Variants in LAMC3 observed in about 807,000 individuals in gnomAD.
LAMC3 encodes the protein laminin subunit gamma-3.
Under a neutral mutation model 173.8 loss-of-function variants are expected in LAMC3, and 128 were observed. The ratio of observed to expected loss-of-function variants is 0.74; its 90% CI spans 0.64 to 0.85. LAMC3 has a LOEUF of 0.85. Ranked by LOEUF, LAMC3 falls within the 40% of genes least tolerant of loss-of-function variation. LAMC3 has a pLI of 0.00. For missense variants in LAMC3, 2,022 were observed against 2,156.0 expected (o/e 0.94, Z 1.23); for synonymous variants, 897 against 909.1 (o/e 0.99, Z 0.24).
chr9:131,062,762 G>A (rs1295368792), intron 13 of LAMC3, among the ~76,000 whole-genome samples: 2 of 151,904 alleles, frequency 1.3e-5, no homozygotes, highest in Non-Finnish European at 2.9e-5. Flanking sequence ...CCAGCTACTC[G>A]GGAGGCTGAG....
chr9:131,084,216 A>G (rs1341064874), intron 24 of LAMC3, among the ~76,000 whole-genome samples: 1 of 151,622 alleles, frequency 6.6e-6, no homozygotes, highest in Non-Finnish European at 1.5e-5. Flanking sequence ...AACTTCCTTT[A>G]GAATTTTTTT....
intron 8 of LAMC3, 132 bp downstream of exon 8, chr9:131,045,792 T>G: frequency 8.4e-7 from 1 of 1,189,308 alleles, no homozygotes; most frequent in Admixed American, 1.9e-5. Flanking sequence ...ACAGCCTAGG[T>G]GGGGTCGGGG....
intron 1 of LAMC3, among the ~76,000 whole-genome samples, chr9:131,017,780 C>T (rs1833551375): frequency 6.8e-6 from 1 of 146,160 alleles, no homozygotes; most frequent in South Asian, 2.2e-4. Flanking sequence ...AATCCCAGCA[C>T]TTTGGGAGGC....
At chr9:131,072,911 G>T (rs1830061859) in intron 19 of LAMC3, 76 bp downstream of exon 19, 1 of 1,373,886 alleles carries the variant, frequency 7.3e-7, no homozygotes, top group South Asian at 1.2e-5. Context: ...CCATTGACCT[G>T]GTGACCTTGG....
intron 1 of LAMC3, among the ~76,000 whole-genome samples, chr9:131,017,167 T>G (rs917761656): frequency 6.6e-6 from 1 of 152,148 alleles, no homozygotes; most frequent in Non-Finnish European, 1.5e-5. Flanking sequence ...TAAAGGATGC[T>G]GTGCGCGGGC....
intron 3 of LAMC3, 76 bp downstream of exon 3, chr9:131,032,251 T>TG: frequency 2.5e-5 from 3 of 121,464 alleles, no homozygotes; most frequent in South Asian, 9.1e-5. Context: ...TGCTGTGGGG[T>TG]GGGGGGTGGG....
intron 1 of LAMC3, among the ~76,000 whole-genome samples, chr9:131,020,190 C>G (rs1051419803): frequency 1.3e-5 from 2 of 152,172 alleles, no homozygotes; most frequent in South Asian, 2.1e-4. Flanking sequence ...CTGCCCACCT[C>G]GAGCATCAGA....
intron 20 of LAMC3, 38 bp from the exon 21 acceptor site, chr9:131,075,793 G>T: frequency 1.3e-6 from 2 of 1,591,148 alleles, no homozygotes; most frequent in Non-Finnish European, 1.7e-6. Context: ...CCTTCCCTGC[G>T]AGCCCTTGGT....
chr9:131,071,580 G>A lies in LAMC3; in HGVS notation c.3166G>A (p.Glu1056Lys), dbSNP rs759627258. Reference protein sequence around the residue: ...PWGPLDILLGEAPRGDVYQGH... With the variant: ...PWGPLDILLGKAPRGDVYQGH... ...GGGACCACTAGACATTCTGCTGGGA[G>A]AGGCCCCAAGGGGGGACGTCTACCA... The change falls in exon 18 of 28, where the codon GAG becomes AAG. Residue 1056 changes from glutamate to lysine, a missense_variant. Glu to Lys is a moderately conservative substitution (Grantham distance 56, BLOSUM62 1). Transcript: ENST00000361069. 1.2e-6 allele frequency: 2 copies of A among 1,609,808 alleles called. No individual in the cohort carries two copies. Among genetic ancestry groups the A allele is most frequent in the Non-Finnish European group, 1.7e-6 (2 of 1,177,272 alleles).
At position 131,082,061 on chromosome 9, in the gene LAMC3, G is replaced by A; in HGVS notation, c.3930G>A (p.Leu1310=). Residue 1310 remains leucine (L), a splice_region_variant and synonymous_variant, in exon 24 of 28, where the codon CTG becomes CTA. Coordinates refer to ENST00000361069, the MANE Select transcript of LAMC3 (RefSeq NM_006059.4). ...TLRQTEPLTK[L]HQEARAALTQ... Reference sequence around the variant, plus strand: ...AGCCTCTCCTCATCTCTCTCCAGCTGCACCAGGAGGCCAGAGCCGCCCTGA... The same window carrying A: ...AGCCTCTCCTCATCTCTCTCCAGCTACACCAGGAGGCCAGAGCCGCCCTGA... 1 of 1,613,148 alleles carries A rather than the reference G, an allele frequency of 6.2e-7. No individual in the cohort carries two copies. Among genetic ancestry groups the A allele is most frequent in the Non-Finnish European group, 8.5e-7 (1 of 1,179,414 alleles).
In LAMC3 at chr9:131,085,768, GGGGA is replaced by G. The variant is rs779356463; in HGVS notation, c.4230+46_4230+49del. 3.2e-5 allele frequency: 51 copies of G among 1,589,954 alleles called. No homozygotes were observed. The South Asian group carries it at 5.3e-4, about 17-fold the overall frequency. ...CAACAGTGGCCTCCTTCCCTCCCGG[GGGGA>G]CCGCCCTTCCGCGGGCCCCTTCCCG... On this transcript the variant is annotated intron_variant, in intron 25 of 27. Coordinates refer to ENST00000361069, the MANE Select transcript of LAMC3 (RefSeq NM_006059.4).
At chr9:131,051,802 GGGAAAGGAGGAGGGAGGGTA>G (rs1834291224) in intron 9 of LAMC3, among the ~76,000 whole-genome samples, 1 of 42,360 alleles carries the variant, frequency 2.4e-5, no homozygotes, top group South Asian at 7.0e-4. Flanking sequence ...AAAGACCACT[GGGAAAGGAGGAGGGAGGGTA>G]CTGGGAAAGG....
intron 2 of LAMC3, among the ~76,000 whole-genome samples, chr9:131,027,788 A>G (rs1564366248): frequency 6.6e-6 from 1 of 152,180 alleles, no homozygotes; most frequent in Non-Finnish European, 1.5e-5. Flanking sequence ...ATACGCGCGC[A>G]TGACAGCTCC....
intron 6 of LAMC3, among the ~76,000 whole-genome samples, chr9:131,040,334 C>T (rs1189708912): frequency 6.6e-6 from 1 of 152,108 alleles, no homozygotes; most frequent in Non-Finnish European, 1.5e-5. Context: ...TGCACCACCA[C>T]ACCCGGCTAA....
intron 21 of LAMC3, among the ~76,000 whole-genome samples, chr9:131,076,606 G>T (rs1028972876): frequency 6.6e-6 from 1 of 152,204 alleles, no homozygotes; most frequent in Non-Finnish European, 1.5e-5. Context: ...GAAGCCAGAG[G>T]TCTCCACCCC....
chr9:131,085,409 C>A, intron 24 of LAMC3, 115 bp from the exon 25 acceptor site: 3 of 1,024,828 alleles, frequency 2.9e-6, no homozygotes, highest in African/African-American at 1.6e-5. Flanking sequence ...CACTTCAGAC[C>A]TCCACTCGTT....
At chr9:131,027,026 T>C (rs1431325766) in intron 2 of LAMC3, among the ~76,000 whole-genome samples, 2 of 152,192 alleles carry the variant, frequency 1.3e-5, no homozygotes, top group African/African-American at 4.8e-5. Flanking sequence ...ACCCCATGGT[T>C]TTCAAGCTTT....
chr9:131,046,395 G>A (rs1834159980), intron 8 of LAMC3, among the ~76,000 whole-genome samples: 1 of 150,650 alleles, frequency 6.6e-6, no homozygotes, highest in Admixed American at 6.6e-5. Flanking sequence ...CTAAAGACAG[G>A]GTTTTGCCAT....
At chr9:131,080,628 G>A (rs1830220912) in intron 23 of LAMC3, among the ~76,000 whole-genome samples, 1 of 152,132 alleles carries the variant, frequency 6.6e-6, no homozygotes, top group Non-Finnish European at 1.5e-5. Context: ...TGTGAGGCAT[G>A]AGAATGTATC....
Sources: allele counts gnomAD v4.1 joint callset (sites outside exome capture counted in the v4.1 genomes callset), GRCh38; gene constraint gnomAD v4.1.1; transcripts MANE v1.5; gene names NCBI Gene and HGNC (gene_info 2026-07-23, HGNC 2026-07-21).